The following HOMER3 variants were observed in gnomAD, a reference collection of about 807,000 sequenced individuals.
The protein encoded by HOMER3 is homer protein homolog 3.
A neutral mutation model predicts 45.5 loss-of-function variants in HOMER3; 34 were observed. The ratio of observed to expected loss-of-function variants is 0.75; its 90% CI spans 0.57 to 1.00. The LOEUF is 1.00. Among genes scored for constraint, HOMER3 ranks in the 50% least tolerant of loss-of-function variants. The pLI is 0.00. For missense variants in HOMER3, 480 were observed against 497.5 expected, an observed-to-expected ratio of 0.96 and a Z score of 0.33; for synonymous variants, 223 against 208.8, an observed-to-expected ratio of 1.07 and a Z score of -0.58.
chr19:18,938,007 C>T, intron 4 of HOMER3, among the ~76,000 whole-genome samples: 1 of 151,992 alleles, frequency 6.6e-6, no homozygotes. Context: ...GCCTGGCCAA[C>T]ATGGTGAAAC....
At chr19:18,940,345 C>T (rs959792222) in intron 1 of HOMER3, 7 of 152,262 alleles carry the variant, frequency 4.6e-5, no homozygotes, top group African/African-American at 1.2e-4. Flanking sequence ...CCTCGGATGC[C>T]GCCGGCCACG....
rs1478889024 is a variant in HOMER3 at position 18,938,717 on chromosome 19, C to A, written c.171+11G>T. ...CCTGGTGCCTCTGCCCCACCCAGACCCCACCCTGACCTTGGCGCCTCCGAT... is the reference window on the plus strand; with the variant it reads ...CCTGGTGCCTCTGCCCCACCCAGACACCACCCTGACCTTGGCGCCTCCGAT... On this transcript the variant is annotated intron_variant, in intron 3 of 9. Transcript: ENST00000392351. The A allele has an allele frequency of 6.3e-7, 1 of 1,582,466 alleles. No individual in the cohort carries two copies. Among genetic ancestry groups the A allele is most frequent in the South Asian group, 1.2e-5 (1 of 86,344 alleles).
At position 18,929,548 on chromosome 19, in the gene HOMER3, C is replaced by T; in HGVS notation, c.981G>A (p.Arg327=). ...CTGCCCGGCCCACCTCAGCCCGCGC[C>T]CGCTCCCGCTCTGCCCGTGCCTCCT... ...SLEEARAERE[R]ARAEVGRAAQ... The change falls in exon 10 of 10, where the codon CGG becomes CGA. Residue 327 remains arginine, a synonymous_variant. Transcript: ENST00000392351. 3.2e-6 allele frequency: 5 copies of T among 1,554,476 alleles called. No homozygotes were observed. Among genetic ancestry groups the T allele is most frequent in the Non-Finnish European group, 4.3e-6 (5 of 1,151,386 alleles).
rs755118382 is a variant in HOMER3, at chr19:18,931,620, A to C, written c.696T>G (p.Ala232=). ...AEAERLRQRV[A]ELEAQAASEV... ...CTGAAGCTGCCTGAGCCTCCAGCTC[A>C]GCCACCTGTAGGGCAGGAATAGCAG... is the stretch of plus-strand genomic sequence containing the variant. Residue 232 remains alanine (A), a synonymous_variant, in exon 8 of 10, where the codon GCT becomes GCG. Transcript: ENST00000392351. 1 of 1,604,084 alleles carries C rather than the reference A, an allele frequency of 6.2e-7. No individual in the cohort carries two copies. Among genetic ancestry groups the C allele is most frequent in the Non-Finnish European group, 8.5e-7 (1 of 1,175,440 alleles).
intron 1 of HOMER3, chr19:18,939,410 C>A: frequency 5.7e-6 from 1 of 175,450 alleles, no homozygotes; most frequent in Non-Finnish European, 1.2e-5. Flanking sequence ...CAGGCCACTG[C>A]ACTCCAGCCT....
chr19:18,930,736 A>G (rs1320985808), intron 9 of HOMER3, among the ~76,000 whole-genome samples: 2 of 150,666 alleles, frequency 1.3e-5, no homozygotes, highest in South Asian at 2.1e-4. Flanking sequence ...ATGCCCGGGC[A>G]CGGTGGCGCA....
In HOMER3 at chr19:18,931,442, C is replaced by T. The variant is rs73923187; in HGVS notation, c.808-31G>A. On this transcript the variant is annotated intron_variant, in intron 8 of 9. Coordinates refer to ENST00000392351, the MANE Select transcript of HOMER3 (RefSeq NM_004838.4). ...GGAGAAGAGTTCCCAGGGTCTGTTG[C>T]GGGGGTCCTGGCTTTCCCACAGGAG... 1.3e-3 allele frequency: 2,120 copies of T among 1,612,956 alleles called. 22 individuals are homozygous for T. In the African/African-American group the frequency reaches 0.025, roughly 19 times the overall value.
Position 18,934,944 on chromosome 19 carries a change from G to A in HOMER3, c.304-534C>T, listed in dbSNP as rs145066367. Among the ~76,000 whole-genome samples the A allele has an allele frequency of 5.6e-4, 83 of 148,892 alleles. 1 individual carries two copies. In the East Asian group the frequency reaches 0.015, roughly 26 times the overall value. ...GTGCAGTGACATGATCTTGGCTCAC[G>A]GCAGCCTCTGCTTCAGCCTCATGAG... is the stretch of plus-strand genomic sequence containing the variant. On this transcript the variant is annotated intron_variant, in intron 4 of 9. Transcript: ENST00000392351.
rs908406901 is a variant in HOMER3 at position 18,938,287 on chromosome 19, G to T, written c.303+66C>A. The T allele has an allele frequency of 2.3e-4, 354 of 1,532,470 alleles. 1 individual carries two copies. Among genetic ancestry groups the T allele is most frequent in the South Asian group, 1.0e-3 (83 of 81,326 alleles). The allele number at this position is 1,532,470 out of a possible 1,614,324, so 94.9% of individuals were successfully genotyped here. ...GGGGACCTGCCCAAGATCCCAGAGT[G>T]AGCCCAGGAGAAGACTTGGGCCCAG... On this transcript the variant is annotated intron_variant, in intron 4 of 9. Coordinates refer to ENST00000392351, the MANE Select transcript of HOMER3 (RefSeq NM_004838.4).
rs768455189 is a variant in HOMER3 at position 18,929,297 on chromosome 19, GCCCAC to G, written c.*141_*145del. 50 of 885,016 alleles carry G rather than the reference GCCCAC, an allele frequency of 5.6e-5. No individual in the cohort carries two copies. The highest frequency in any genetic ancestry group is 4.1e-4 in the East Asian group (17 of 41,758). The allele number at this position is 885,016 out of a possible 1,614,324, so 54.8% of individuals were successfully genotyped here. On this transcript the variant is annotated 3_prime_UTR_variant, in exon 10 of 10. Transcript: ENST00000392351. Reference sequence around the variant, plus strand: ...CTGCCAACAACCAGAGCCGACTGGGGCCCACCCCAGCCCAGCCCGGCCCGGCCCAC... The same window carrying G: ...CTGCCAACAACCAGAGCCGACTGGGGCCCAGCCCAGCCCGGCCCGGCCCAC...
Position 18,932,283 on chromosome 19 carries a change from G to C in HOMER3, c.534-151C>G, listed in dbSNP as rs1004336676. 38 of 716,214 alleles carry C rather than the reference G, an allele frequency of 5.3e-5. No homozygotes were observed. The African/African-American group carries it at 7.1e-4, about 13-fold the overall frequency. 44.4% of individuals were successfully genotyped at this position (716,214 alleles called of 1,614,324 possible). The stretch of plus-strand genomic sequence containing the variant: ...AGGGTGCGGAGTCGTGCGCGAAGTT[G>C]GACTAGGGGGCGGGGCAGGGGTGGA... On this transcript the variant is annotated intron_variant, in intron 6 of 9. Coordinates refer to ENST00000392351, the MANE Select transcript of HOMER3 (RefSeq NM_004838.4).
intron 9 of HOMER3, 192 bp downstream of exon 9, chr19:18,931,133 A>T: frequency 1.8e-6 from 1 of 560,702 alleles, no homozygotes; most frequent in Non-Finnish European, 3.2e-6. Context: ...GAACTCAAGC[A>T]TTGCTTGTTG....
intron 4 of HOMER3, among the ~76,000 whole-genome samples, chr19:18,935,043 T>C (rs1360109465): frequency 6.6e-6 from 1 of 152,000 alleles, no homozygotes; most frequent in East Asian, 1.9e-4. Context: ...GGTTTTACCA[T>C]GTTGGCCAGG....
At chr19:18,936,538 T>C (rs1000262151) in intron 4 of HOMER3, among the ~76,000 whole-genome samples, 1 of 151,388 alleles carries the variant, frequency 6.6e-6, no homozygotes, top group African/African-American at 2.4e-5. Flanking sequence ...AGGTGTGGTG[T>C]GTCTGTAATC....
chr19:18,934,463 A>AGG, intron 4 of HOMER3, 53 bp from the exon 5 acceptor site: 1 of 1,162,434 alleles, frequency 8.6e-7, no homozygotes, highest in South Asian at 1.6e-5. Flanking sequence ...CCTCCCAAAC[A>AGG]GGTCACCATC....
At chr19:18,933,390 C>T (rs1374226886) in intron 5 of HOMER3, among the ~76,000 whole-genome samples, 1 of 152,204 alleles carries the variant, frequency 6.6e-6, no homozygotes. Flanking sequence ...TCCCTGAGGC[C>T]GAACTTCAAC....
At chr19:18,935,679 G>A (rs1273027739) in intron 4 of HOMER3, among the ~76,000 whole-genome samples, 1 of 152,110 alleles carries the variant, frequency 6.6e-6, no homozygotes, top group East Asian at 1.9e-4. Context: ...GATAGGATAT[G>A]TTTCCCCCCA....
chr19:18,938,704 G>GGCCCCC, intron 3 of HOMER3, 24 bp downstream of exon 3: 1 of 1,561,852 alleles, frequency 6.4e-7, no homozygotes, highest in Non-Finnish European at 8.7e-7. Flanking sequence ...TGGTGCCTCT[G>GGCCCCC]CCCCACCCAG....
At position 18,929,447 on chromosome 19, in the gene HOMER3, G is replaced by A. The variant is rs1455945165; in HGVS notation, c.1082C>T (p.Pro361Leu). The change falls in exon 10 of 10, where the codon CCC becomes CTC. Residue 361 changes from proline (P) to leucine (L), a missense_variant. Transcript: ENST00000392351. Reference protein sequence around the residue: ...EGLARLAEAAP With the variant: ...EGLARLAEAAL ...TCATAGAAAACCAGCCCCGGCTCAG[G>A]GCGCAGCCTCAGCCAGGCGGGCCAG... 1 of 1,592,096 alleles carries A rather than the reference G, an allele frequency of 6.3e-7. No homozygotes were observed.
Sources: allele counts gnomAD v4.1 joint callset (sites outside exome capture counted in the v4.1 genomes callset), GRCh38; gene constraint gnomAD v4.1.1; transcripts MANE v1.5; gene names NCBI Gene and HGNC (gene_info 2026-07-23, HGNC 2026-07-21).